TENM3: variants seen among roughly 807,000 people sequenced by gnomAD.
TENM3 encodes the protein teneurin transmembrane protein 3.
Under a neutral mutation model 255.1 loss-of-function variants are expected in TENM3, and 63 were observed. The ratio of observed to expected loss-of-function variants is 0.25; its 90% CI spans 0.20 to 0.30. The LOEUF is 0.30. Among genes scored for constraint, TENM3 ranks in the 10% least tolerant of loss-of-function variants. The pLI, the probability that TENM3 is intolerant of heterozygous loss-of-function variation, is 1.00. For synonymous variants in TENM3, 1,306 were observed against 1,322.3 expected (o/e 0.99, Z 0.27); for missense variants, 2,929 against 3,461.1 (o/e 0.85, Z 3.86).
At chr4:182,693,201 C>T (rs1427647393) in intron 12 of TENM3, among the ~76,000 whole-genome samples, 3 of 152,074 alleles carry the variant, frequency 2.0e-5, no homozygotes, top group Non-Finnish European at 4.4e-5. Context: ...TTGAACATCT[C>T]TTCTGTGATA....
chr4:182,495,561 CTT>C (rs1735696768), intron 3 of TENM3, among the ~76,000 whole-genome samples: 1 of 152,074 alleles, frequency 6.6e-6, no homozygotes, highest in Non-Finnish European at 1.5e-5. Context: ...TGAAGACTCT[CTT>C]GCATATTTTT....
chr4:181,709,422 G>T, the TENM3 span, among the ~76,000 whole-genome samples: 1 of 152,216 alleles, frequency 6.6e-6, no homozygotes, highest in Non-Finnish European at 1.5e-5. Context: ...TAGCCCCAGG[G>T]TATGAGGATA....
the TENM3 span, among the ~76,000 whole-genome samples, chr4:181,801,695 T>TATATATATAC: frequency 3.2e-5 from 4 of 125,910 alleles, no homozygotes; most frequent in African/African-American, 1.2e-4. Flanking sequence ...TATATATATA[T>TATATATATAC]ATGCAACAAT....
intron 22 of TENM3, among the ~76,000 whole-genome samples, chr4:182,765,212 A>G (rs1045006230): frequency 2.0e-5 from 3 of 152,186 alleles, no homozygotes; most frequent in Non-Finnish European, 2.9e-5. Context: ...AGCCGAAGCT[A>G]TAAGTGTGAA....
At chr4:181,721,578 C>T in the TENM3 span, among the ~76,000 whole-genome samples, 78 of 20,302 alleles carry the variant, frequency 3.8e-3, 8 homozygotes, top group African/African-American at 0.011. Context: ...CCAGCCTGGG[C>T]GACAGAGCGA....
the TENM3 span, among the ~76,000 whole-genome samples, chr4:181,667,458 C>T: frequency 6.6e-6 from 1 of 152,164 alleles, no homozygotes; most frequent in African/African-American, 2.4e-5. Context: ...GACTTAATCC[C>T]CAATGCAACC....
intron 18 of TENM3, among the ~76,000 whole-genome samples, chr4:182,740,735 T>G (rs1359252409): frequency 6.6e-6 from 1 of 152,196 alleles, no homozygotes; most frequent in Non-Finnish European, 1.5e-5. Flanking sequence ...GATTCAGAAA[T>G]ATGTAGATGT....
chr4:181,520,205 C>G, the TENM3 span, among the ~76,000 whole-genome samples: 208 of 152,314 alleles, frequency 1.4e-3, no homozygotes, highest in African/African-American at 4.8e-3. Flanking sequence ...TTGTAAACAG[C>G]CTTATCATTT....
intron 4 of TENM3, among the ~76,000 whole-genome samples, chr4:182,607,043 G>T (rs577500559): frequency 6.6e-6 from 1 of 152,286 alleles, no homozygotes. Context: ...TGTGAAGTCA[G>T]TTTCCAATGC....
chr4:182,394,185 A>AC (rs1282632525), intron 3 of TENM3, among the ~76,000 whole-genome samples: 1 of 152,168 alleles, frequency 6.6e-6, no homozygotes, highest in Admixed American at 6.5e-5. Context: ...TCGTGGAACA[A>AC]CCCACTGGTT....
intron 3 of TENM3, among the ~76,000 whole-genome samples, chr4:182,377,741 T>C (rs746216563): frequency 1.3e-5 from 2 of 152,156 alleles, no homozygotes; most frequent in African/African-American, 2.4e-5. Flanking sequence ...AAATTTTCAT[T>C]AGGAATACAG....
chr4:182,052,385 A>G, the TENM3 span, among the ~76,000 whole-genome samples: 1 of 152,230 alleles, frequency 6.6e-6, no homozygotes, highest in East Asian at 1.9e-4. Flanking sequence ...GAAGTGTGCA[A>G]GCTGACGTTC....
the TENM3 span, among the ~76,000 whole-genome samples, chr4:181,636,155 C>T: frequency 1.6e-4 from 25 of 152,052 alleles, no homozygotes; most frequent in Admixed American, 1.6e-3. Flanking sequence ...AGGCGATTCT[C>T]CTATCTCAGC....
the TENM3 span, among the ~76,000 whole-genome samples, chr4:181,857,752 G>C: frequency 6.6e-6 from 1 of 151,450 alleles, no homozygotes; most frequent in Non-Finnish European, 1.5e-5. Context: ...GAGAGATCCT[G>C]TTCCCCCAAA....
chr4:181,933,658 C>T, the TENM3 span, among the ~76,000 whole-genome samples: 4 of 152,176 alleles, frequency 2.6e-5, no homozygotes, highest in Non-Finnish European at 4.4e-5. Flanking sequence ...ATTCTGAAGA[C>T]TTTCCGGACC....
intron 1 of TENM3, among the ~76,000 whole-genome samples, chr4:182,151,845 C>T (rs755951677): frequency 8.6e-5 from 13 of 151,612 alleles, no homozygotes; most frequent in African/African-American, 1.5e-4. Flanking sequence ...ATAATAAAAA[C>T]GAATCTAGTA....
the TENM3 span, among the ~76,000 whole-genome samples, chr4:182,103,085 G>T: frequency 1.3e-5 from 2 of 152,238 alleles, no homozygotes; most frequent in African/African-American, 2.4e-5. Flanking sequence ...AAGTCTAAAA[G>T]TTGACCCACT....
chr4:181,576,811 C>CTTTTTTT, the TENM3 span, among the ~76,000 whole-genome samples: 32 of 123,984 alleles, frequency 2.6e-4, no homozygotes, highest in Non-Finnish European at 3.9e-4. Context: ...TCTTTCTTTT[C>CTTTTTTT]TTTTTTTTTT....
chr4:182,626,121 A>G (rs1241564520), intron 4 of TENM3, among the ~76,000 whole-genome samples: 1 of 152,240 alleles, frequency 6.6e-6, no homozygotes, highest in African/African-American at 2.4e-5. Flanking sequence ...ACGATAGAAC[A>G]GCAGAGTTCA....
Sources: gnomAD v4.1 joint callset for allele counts (sites outside exome capture counted in the v4.1 genomes callset) on GRCh38, gnomAD v4.1.1 for gene constraint, MANE v1.5 for transcripts, NCBI Gene and HGNC (gene_info 2026-07-23, HGNC 2026-07-21) for gene names.